WDR41: variants seen among roughly 807,000 people sequenced by gnomAD.
The protein encoded by WDR41 is WD repeat domain 41.
WDR41 carries 63 observed loss-of-function variants against 69.3 expected under a neutral mutation model. That is an observed-to-expected ratio of 0.91 (90% CI 0.74 to 1.12). The LOEUF is 1.12. Among genes scored for constraint, WDR41 ranks in the 50% most tolerant of loss-of-function variants. The pLI, the probability that WDR41 is intolerant of heterozygous loss-of-function variation, is 0.00. For synonymous variants in WDR41, 185 were observed against 192.1 expected (o/e 0.96, Z 0.31); for missense variants, 543 against 534.5 (o/e 1.02, Z -0.16).
At chr5:77,490,927 T>C (rs746630062) in intron 1 of WDR41, among the ~76,000 whole-genome samples, 29 of 152,236 alleles carry the variant, frequency 1.9e-4, no homozygotes, top group Non-Finnish European at 3.8e-4. Flanking sequence ...GACTGCCTAC[T>C]CTCAACAATC....
chr5:77,582,764 T>A, intron 1 of WDR41: 1 of 1,597,610 alleles, frequency 6.3e-7, no homozygotes, highest in Non-Finnish European at 8.5e-7. Flanking sequence ...AAGGCTTCGA[T>A]TAACATGCTG....
intron 3 of WDR41, 87 bp from the exon 4 acceptor site, chr5:77,463,313 G>T: frequency 7.9e-7 from 1 of 1,267,296 alleles, no homozygotes; most frequent in Non-Finnish European, 1.1e-6. Flanking sequence ...CTACCATATA[G>T]AAGATACATA....
chr5:77,462,324 G>A (rs566546500), intron 4 of WDR41, among the ~76,000 whole-genome samples: 215 of 146,412 alleles, frequency 1.5e-3, no homozygotes, highest in African/African-American at 5.2e-3. Context: ...CAGGAGAATC[G>A]CTTGAACCCA....
At chr5:77,593,207 TAATGACTTTGTATTTTACTCTA>T (rs1328600210) in intron 1 of WDR41, among the ~76,000 whole-genome samples, 1 of 152,140 alleles carries the variant, frequency 6.6e-6, no homozygotes, top group East Asian at 1.9e-4. Flanking sequence ...CAATACAAAG[TAATGACTTTGTATTTTACTCTA>T]AGGATGATCA....
intron 1 of WDR41, among the ~76,000 whole-genome samples, chr5:77,542,994 C>A (rs1459984647): frequency 6.6e-6 from 1 of 152,128 alleles, no homozygotes. Context: ...GTGCAGATAA[C>A]CCCCACTACC....
intron 1 of WDR41, among the ~76,000 whole-genome samples, chr5:77,556,615 A>T (rs755083342): frequency 7.2e-5 from 11 of 152,198 alleles, no homozygotes; most frequent in Non-Finnish European, 1.5e-4. Context: ...AATATCACTA[A>T]GACAGCTGGT....
chr5:77,547,701 C>T (rs2360041), intron 1 of WDR41, among the ~76,000 whole-genome samples: 74,421 of 151,902 alleles, frequency 0.49, 19,625 homozygotes, highest in African/African-American at 0.69. Context: ...AAAATGACCA[C>T]ACTGCCAAAA....
chr5:77,568,175 G>T (rs940280210), intron 1 of WDR41, among the ~76,000 whole-genome samples: 5 of 152,098 alleles, frequency 3.3e-5, no homozygotes, highest in African/African-American at 1.2e-4. Context: ...GCAGTATCAG[G>T]CTTATGGATA....
intron 1 of WDR41, among the ~76,000 whole-genome samples, chr5:77,611,494 T>C (rs1463801647): frequency 3.3e-5 from 5 of 152,136 alleles, no homozygotes; most frequent in Non-Finnish European, 7.4e-5. Flanking sequence ...AACTCAGGAT[T>C]AAGAAACTCA....
At chr5:77,494,272 A>G (rs1240744404), upstream of WDR41, among the ~76,000 whole-genome samples, 1 of 152,170 alleles carries the variant, frequency 6.6e-6, no homozygotes, top group Non-Finnish European at 1.5e-5. Flanking sequence ...AAAAAACTAT[A>G]AGGCATATAG....
At chr5:77,595,195 T>G (rs1179008172) in intron 1 of WDR41, among the ~76,000 whole-genome samples, 1 of 152,208 alleles carries the variant, frequency 6.6e-6, no homozygotes, top group Non-Finnish European at 1.5e-5. Flanking sequence ...GGTATTTGAA[T>G]CTGTGTACTA....
chr5:77,458,760 T>A, intron 5 of WDR41: 2 of 211,572 alleles, frequency 9.5e-6, no homozygotes, highest in Non-Finnish European at 1.9e-5. Context: ...CCAGCTACTA[T>A]TATGGTCATT....
intron 4 of WDR41, among the ~76,000 whole-genome samples, chr5:77,461,269 T>A (rs770209606): frequency 1.3e-5 from 2 of 152,216 alleles, no homozygotes; most frequent in Non-Finnish European, 2.9e-5. Flanking sequence ...TTACATTGTA[T>A]CATAATCACA....
At chr5:77,455,513 T>C (rs757627168) in intron 5 of WDR41, among the ~76,000 whole-genome samples, 2 of 152,224 alleles carry the variant, frequency 1.3e-5, no homozygotes, top group Non-Finnish European at 2.9e-5. Flanking sequence ...TGATATCATA[T>C]TTAAGACACC....
chr5:77,607,569 C>T (rs942961057), intron 1 of WDR41, among the ~76,000 whole-genome samples: 1 of 152,274 alleles, frequency 6.6e-6, no homozygotes, highest in Middle Eastern at 3.4e-3. Flanking sequence ...ACCCTGTGTC[C>T]TCCTCTAGTT....
chr5:77,497,610 G>A (rs1314779939), intron 1 of WDR41, among the ~76,000 whole-genome samples: 1 of 152,156 alleles, frequency 6.6e-6, no homozygotes, highest in Non-Finnish European at 1.5e-5. Flanking sequence ...AATGTTGATA[G>A]GGATATGGAG....
intron 1 of WDR41, among the ~76,000 whole-genome samples, chr5:77,599,048 G>A (rs1270795995): frequency 6.6e-6 from 1 of 151,502 alleles, no homozygotes; most frequent in Non-Finnish European, 1.5e-5. Flanking sequence ...GGCACTTCAA[G>A]CTACTACTAA....
intron 2 of WDR41, among the ~76,000 whole-genome samples, chr5:77,469,469 G>C (rs1160562539): frequency 1.3e-5 from 2 of 152,076 alleles, no homozygotes; most frequent in Admixed American, 1.3e-4. Context: ...TGTATTTTTA[G>C]AAAACTGATC....
At chr5:77,504,282 G>A (rs1802071025) in intron 1 of WDR41, among the ~76,000 whole-genome samples, 2 of 152,170 alleles carry the variant, frequency 1.3e-5, no homozygotes, top group Non-Finnish European at 2.9e-5. Context: ...AGAAGAAATG[G>A]ATAAATTCCT....
Sources: gnomAD v4.1 joint callset for allele counts (sites outside exome capture counted in the v4.1 genomes callset) on GRCh38, gnomAD v4.1.1 for gene constraint, MANE v1.5 for transcripts, NCBI Gene and HGNC (gene_info 2026-07-23, HGNC 2026-07-21) for gene names.